ATRN: variants seen among roughly 807,000 people sequenced by gnomAD.
ATRN encodes the protein attractin.
ATRN carries 54 observed loss-of-function variants against 178.7 expected under a neutral mutation model. The observed-to-expected ratio is 0.30, with a 90% CI of 0.24 to 0.38. ATRN has a LOEUF of 0.38. ATRN is among the 10% of genes least tolerant of loss of function. The pLI is 1.00. For synonymous variants in ATRN, 636 were observed against 663.0 expected, an observed-to-expected ratio of 0.96 and a Z score of 0.63; for missense variants, 1,443 against 1,815.1, an observed-to-expected ratio of 0.79 and a Z score of 3.73.
At chr20:3,489,295 T>G (rs528434534) in intron 1 of ATRN, among the ~76,000 whole-genome samples, 3 of 152,226 alleles carry the variant, frequency 2.0e-5, no homozygotes, top group African/African-American at 7.2e-5. Flanking sequence ...ATCTTTAAAT[T>G]TTTTTTTGAA....
At chr20:3,527,770 A>G (rs1461710156) in intron 1 of ATRN, among the ~76,000 whole-genome samples, 1 of 152,186 alleles carries the variant, frequency 6.6e-6, no homozygotes, top group African/African-American at 2.4e-5. Flanking sequence ...TGTCCTTTGC[A>G]GGGACATGAT....
In ATRN at chr20:3,545,839, A is replaced by AT; in HGVS notation, c.693dup (p.Ser232Ter). ...GCCACATCAGGTTATGCCTTGCTGC[A>AT]TTTTTTTAGTGATGCTGCTTATAAT... On this transcript the variant is annotated frameshift_variant, in exon 4 of 29. Coordinates refer to ENST00000262919, the MANE Select transcript of ATRN (RefSeq NM_139321.3). LOFTEE classifies it high-confidence loss of function. 6.2e-7 allele frequency: 1 copy of AT among 1,613,964 alleles called. No homozygotes were observed. The highest frequency in any genetic ancestry group is 8.5e-7 in the Non-Finnish European group (1 of 1,179,922).
intron 11 of ATRN, among the ~76,000 whole-genome samples, chr20:3,572,510 T>C (rs1308389954): frequency 6.6e-6 from 1 of 152,094 alleles, no homozygotes; most frequent in Non-Finnish European, 1.5e-5. Flanking sequence ...TGTTTGAAGA[T>C]TGTCTGTAAA....
rs541750840 is a variant in ATRN, at chr20:3,562,286, A to G, written c.1458A>G (p.Thr486=). The change falls in exon 9 of 29, where the codon ACA becomes ACG. Residue 486 remains threonine, a synonymous_variant. Transcript: ENST00000262919. Reference sequence around the variant, plus strand: ...GTCTTTCCTTTCCAGATAAGAACACATGGAGTATATTACACACCCAGGGTG... The same window carrying G: ...GTCTTTCCTTTCCAGATAAGAACACGTGGAGTATATTACACACCCAGGGTG... The part of the protein sequence containing the change: ...NVQEYDLDKN[T]WSILHTQGAL... 1.4e-5 allele frequency: 23 copies of G among 1,612,932 alleles called. No individual in the cohort carries two copies. The highest frequency in any genetic ancestry group is 3.3e-5 in the Admixed American group (2 of 59,880).
chr20:3,646,895 C>T lies in ATRN; in HGVS notation c.*48C>T. 1 of 1,606,174 alleles carries T rather than the reference C, an allele frequency of 6.2e-7. No individual in the cohort carries two copies. Among genetic ancestry groups the T allele is most frequent in the South Asian group, 1.1e-5 (1 of 89,952 alleles). ...ACGCACGAGCTAGTGAGTGGCACAC[C>T]AGAGCCATCTGCAGGGAAGGGCGTG... On this transcript the variant is annotated 3_prime_UTR_variant, in exon 29 of 29. Coordinates refer to ENST00000262919, the MANE Select transcript of ATRN (RefSeq NM_139321.3).
chr20:3,575,857 C>T lies in ATRN; in HGVS notation c.2123C>T (p.Thr708Ile). Residue 708 changes from threonine (T) to isoleucine (I), a missense_variant, in exon 13 of 29, where the codon ACA (threonine) becomes ATA (isoleucine). Thr to Ile is a moderately conservative substitution (Grantham distance 89). This residue lies in a region of ATRN where 862 missense variants were observed against 972.1 expected (regional missense o/e 0.89). Coordinates refer to ENST00000262919, the MANE Select transcript of ATRN (RefSeq NM_139321.3). The part of the protein sequence containing the change: ...TLDHDRCDQH[T>I]DCYSCTANTN... Reference sequence around the variant, plus strand: ...GACCATGACAGATGTGACCAGCACACAGATTGTTACAGCTGCACAGCCAAC... The same window carrying T: ...GACCATGACAGATGTGACCAGCACATAGATTGTTACAGCTGCACAGCCAAC... The T allele has an allele frequency of 1.2e-6, 2 of 1,613,650 alleles. No homozygotes were observed. The highest frequency in any genetic ancestry group is 2.2e-5 in the East Asian group (1 of 44,868).
chr20:3,563,587 A>G (rs1387477248), intron 10 of ATRN, among the ~76,000 whole-genome samples: 1 of 152,188 alleles, frequency 6.6e-6, no homozygotes, highest in Non-Finnish European at 1.5e-5. Flanking sequence ...CTTGAATGCT[A>G]ATTTTTAAGG....
chr20:3,562,391 G>C lies in ATRN; in HGVS notation c.1563G>C (p.Lys521Asn), dbSNP rs1381793306. 1 of 1,614,026 alleles carries C rather than the reference G, an allele frequency of 6.2e-7. No homozygotes were observed. Among genetic ancestry groups the C allele is most frequent in the Non-Finnish European group, 8.5e-7 (1 of 1,180,026 alleles). Residue 521 changes from lysine to asparagine, a missense_variant, in exon 9 of 29, where the codon AAG (lysine) becomes AAC (asparagine). Around this residue, in one of 4 missense-constraint regions of ATRN, gnomAD observed 862 missense variants for 972.1 expected, o/e 0.89. Coordinates refer to ENST00000262919, the MANE Select transcript of ATRN (RefSeq NM_139321.3). ...CCCTATACGTTCATGGTGGCTACAAGGCTTTCAGTGCCAATAAGTACCGGC... is the reference window on the plus strand; with the variant it reads ...CCCTATACGTTCATGGTGGCTACAACGCTTTCAGTGCCAATAAGTACCGGC... ...TRALYVHGGY[K>N]AFSANKYRLA...
intron 1 of ATRN, among the ~76,000 whole-genome samples, chr20:3,488,807 T>C (rs2084735189): frequency 1.3e-5 from 2 of 152,214 alleles, no homozygotes; most frequent in Non-Finnish European, 1.5e-5. Context: ...TTGGAGTGAA[T>C]TGACAGCTTT....
intron 24 of ATRN, among the ~76,000 whole-genome samples, chr20:3,604,672 G>A (rs999793350): frequency 1.2e-4 from 19 of 152,184 alleles, no homozygotes; most frequent in African/African-American, 4.6e-4. Context: ...GATGATCCCA[G>A]AAATGCTATC....
chr20:3,626,681 C>T (rs778090895), intron 25 of ATRN, among the ~76,000 whole-genome samples: 14 of 152,108 alleles, frequency 9.2e-5, no homozygotes, highest in Non-Finnish European at 1.3e-4. Flanking sequence ...TGTGTTTCCC[C>T]TCACTCACAA....
chr20:3,617,007 A>C (rs370166880), intron 24 of ATRN, among the ~76,000 whole-genome samples: 36 of 152,224 alleles, frequency 2.4e-4, no homozygotes, highest in Non-Finnish European at 3.4e-4. Context: ...GATACTCCCT[A>C]AATGTATGCC....
intron 24 of ATRN, among the ~76,000 whole-genome samples, chr20:3,611,605 G>C (rs2086767307): frequency 6.6e-6 from 1 of 152,172 alleles, no homozygotes; most frequent in Non-Finnish European, 1.5e-5. Flanking sequence ...AGCCAGGCAT[G>C]GTGGCACATG....
At chr20:3,483,498 C>A (rs1344434382) in intron 1 of ATRN, among the ~76,000 whole-genome samples, 1 of 152,126 alleles carries the variant, frequency 6.6e-6, no homozygotes, top group Non-Finnish European at 1.5e-5. Flanking sequence ...AGGCATGTGC[C>A]ACCACACCCA....
chr20:3,603,040 T>C (rs547864343), intron 23 of ATRN, among the ~76,000 whole-genome samples: 72 of 147,888 alleles, frequency 4.9e-4, no homozygotes, highest in African/African-American at 1.8e-3. Context: ...ATGTGGGCTC[T>C]AGTCACAGGG....
chr20:3,619,071 C>T (rs1332750029), intron 24 of ATRN, among the ~76,000 whole-genome samples: 1 of 152,140 alleles, frequency 6.6e-6, no homozygotes, highest in African/African-American at 2.4e-5. Flanking sequence ...CCCAGGGGGT[C>T]GTTGGGAGCC....
At chr20:3,545,718 C>T (rs1313178433) in intron 3 of ATRN, 44 bp from the exon 4 acceptor site, 3 of 1,600,470 alleles carry the variant, frequency 1.9e-6, no homozygotes, top group African/African-American at 1.3e-5. Flanking sequence ...TTTGACATGT[C>T]TGTGCTTGTG....
chr20:3,617,719 G>C (rs2086862575), intron 24 of ATRN, among the ~76,000 whole-genome samples: 1 of 152,122 alleles, frequency 6.6e-6, no homozygotes, highest in Non-Finnish European at 1.5e-5. Flanking sequence ...AGAAATAAAG[G>C]TATGAGTATA....
chr20:3,510,132 T>A (rs1002547083), intron 1 of ATRN, among the ~76,000 whole-genome samples: 7 of 152,240 alleles, frequency 4.6e-5, no homozygotes, highest in African/African-American at 1.7e-4. Flanking sequence ...CATTGTACAA[T>A]GCTTTAATCT....
Sources: gnomAD v4.1 joint callset for allele counts (sites outside exome capture counted in the v4.1 genomes callset) on GRCh38, gnomAD v4.1.1 for gene constraint, gnomAD v4.1.1 regional missense constraint, MANE v1.5 for transcripts, NCBI Gene and HGNC (gene_info 2026-07-23, HGNC 2026-07-21) for gene names.